The following ZCWPW2 variants were observed in gnomAD, a reference collection of about 807,000 sequenced individuals.
The protein encoded by ZCWPW2 is zinc finger CW-type and PWWP domain containing 2, also known as zinc finger CW-type PWWP domain protein 2.
ZCWPW2 carries 45 observed loss-of-function variants against 46.6 expected under a neutral mutation model. That is an observed-to-expected ratio of 0.96 (90% CI 0.76 to 1.24). The LOEUF (loss-of-function observed/expected upper bound fraction) is 1.24. Among genes scored for constraint, ZCWPW2 ranks in the 50% most tolerant of loss-of-function variants. ZCWPW2 has a pLI of 0.00. For synonymous variants in ZCWPW2, 152 were observed against 137.1 expected (o/e 1.11, Z -0.76); for missense variants, 429 against 403.9 (o/e 1.06, Z -0.53).
intron 4 of ZCWPW2, chr3:28,460,962 C>G (rs1169389247): frequency 3.9e-6 from 1 of 254,674 alleles, no homozygotes; most frequent in Non-Finnish European, 8.9e-6. Flanking sequence ...TTTTTTATTT[C>G]TTTAGATTAT....
intron 4 of ZCWPW2, among the ~76,000 whole-genome samples, chr3:28,468,248 G>A (rs1014311861): frequency 2.0e-5 from 3 of 151,778 alleles, no homozygotes; most frequent in African/African-American, 2.4e-5. Flanking sequence ...CTTGAAGACA[G>A]GCTATTTGAA....
chr3:28,483,527 G>T (rs1440800727), intron 5 of ZCWPW2, among the ~76,000 whole-genome samples: 1 of 152,030 alleles, frequency 6.6e-6, no homozygotes, highest in Non-Finnish European at 1.5e-5. Flanking sequence ...AAAATAACTT[G>T]CTAGCATTTT....
chr3:28,376,684 G>A (rs556069321), intron 1 of ZCWPW2, among the ~76,000 whole-genome samples: 1 of 152,154 alleles, frequency 6.6e-6, no homozygotes, highest in African/African-American at 2.4e-5. Context: ...CTTGGCAGAA[G>A]GTATTTGTTT....
chr3:28,381,859 G>A (rs564053365), intron 1 of ZCWPW2, among the ~76,000 whole-genome samples: 7 of 152,148 alleles, frequency 4.6e-5, no homozygotes, highest in African/African-American at 1.4e-4. Context: ...ACAACAGATT[G>A]GCTGGCTTAA....
chr3:28,472,632 T>C (rs1436595523), intron 4 of ZCWPW2, among the ~76,000 whole-genome samples: 1 of 152,114 alleles, frequency 6.6e-6, no homozygotes, highest in Non-Finnish European at 1.5e-5. Flanking sequence ...AAGAAAACTT[T>C]GGGGAAACTC....
rs1705098239 is a variant in ZCWPW2 at position 28,365,670 on chromosome 3, C to T, written c.-134+16467C>T. 2.1e-5 allele frequency among the ~76,000 whole-genome samples: 3 copies of T among 140,862 alleles called. 1 individual carries two copies. The highest frequency in any genetic ancestry group is 4.8e-5 in the Non-Finnish European group (3 of 62,944). 92.4% of individuals were successfully genotyped at this position (140,862 alleles called of 152,430 possible). A position where few individuals can be genotyped will look rare whatever the true frequency, so the allele number is the denominator to read the frequency against. ...CATATGAACTTTAAAGTAGTTTTCT[C>T]CAATTCTGTGAAGAAAGTCATTGGT... On this transcript the variant is annotated intron_variant, in intron 1 of 9. Transcript: ENST00000383768.
At chr3:28,494,669 C>T (rs1342728109) in intron 6 of ZCWPW2, among the ~76,000 whole-genome samples, 6 of 139,834 alleles carry the variant, frequency 4.3e-5, no homozygotes, top group Non-Finnish European at 7.8e-5. Context: ...GATTGTTTAT[C>T]TAGAAAACCC....
chr3:28,410,923 C>A (rs1344083782), intron 2 of ZCWPW2, among the ~76,000 whole-genome samples: 2 of 151,760 alleles, frequency 1.3e-5, no homozygotes, highest in African/African-American at 4.8e-5. Context: ...GCAAAAGAGA[C>A]AAATGTAGTA....
chr3:28,438,534 A>G (rs1007764503), intron 4 of ZCWPW2, among the ~76,000 whole-genome samples: 1 of 152,248 alleles, frequency 6.6e-6, no homozygotes, highest in Admixed American at 6.5e-5. Flanking sequence ...AACAAAAACA[A>G]TAACAAAAAC....
chr3:28,384,054 A>G (rs1247658058), intron 1 of ZCWPW2, among the ~76,000 whole-genome samples: 4 of 152,200 alleles, frequency 2.6e-5, no homozygotes, highest in Non-Finnish European at 2.9e-5. Context: ...GAGGTATATT[A>G]CTAGAGCCCT....
chr3:28,476,145 A>T (rs1303038897), intron 4 of ZCWPW2, among the ~76,000 whole-genome samples: 1 of 151,348 alleles, frequency 6.6e-6, no homozygotes, highest in Non-Finnish European at 1.5e-5. Flanking sequence ...TTCTATAAAT[A>T]TATAATATCT....
rs1414327911 is a variant in ZCWPW2 at position 28,365,941 on chromosome 3, C to G, written c.-134+16738C>G. ...ATGGGAGTTCACTCATGATTTGACT[C>G]TCTGTCTGTTATTGGTGTATAAGAA... On this transcript the variant is annotated intron_variant, in intron 1 of 9. Transcript: ENST00000383768. Among the ~76,000 whole-genome samples the G allele has an allele frequency of 3.8e-4, 53 of 139,446 alleles. 5 individuals are homozygous for G. The highest frequency in any genetic ancestry group is 6.6e-4 in the African/African-American group (26 of 39,378). The allele number at this position is 139,446 out of a possible 152,430, so 91.5% of individuals were successfully genotyped here. A position where few individuals can be genotyped will look rare whatever the true frequency, so the allele number is the denominator to read the frequency against.
chr3:28,368,916 C>G (rs1226939471), intron 1 of ZCWPW2, among the ~76,000 whole-genome samples: 1 of 152,196 alleles, frequency 6.6e-6, no homozygotes, highest in Non-Finnish European at 1.5e-5. Context: ...ATTTGATCTT[C>G]CATTACTGAT....
chr3:28,500,467 A>G (rs1700113201), intron 6 of ZCWPW2, among the ~76,000 whole-genome samples: 1 of 152,110 alleles, frequency 6.6e-6, no homozygotes, highest in Non-Finnish European at 1.5e-5. Flanking sequence ...ACCTACAGAA[A>G]TTATGTGTAT....
intron 6 of ZCWPW2, among the ~76,000 whole-genome samples, chr3:28,499,939 G>T (rs1174865544): frequency 6.6e-6 from 1 of 151,886 alleles, no homozygotes; most frequent in Non-Finnish European, 1.5e-5. Context: ...TAGTAAAATT[G>T]TCTCTTTTGG....
intron 1 of ZCWPW2, among the ~76,000 whole-genome samples, chr3:28,350,317 C>T (rs768557219): frequency 5.9e-5 from 9 of 152,118 alleles, no homozygotes; most frequent in Non-Finnish European, 1.3e-4. Context: ...TTTGAATCTT[C>T]GTTCACAATT....
At chr3:28,351,788 C>T (rs1049593540) in intron 1 of ZCWPW2, among the ~76,000 whole-genome samples, 16 of 148,574 alleles carry the variant, frequency 1.1e-4, no homozygotes, top group African/African-American at 3.6e-4. Flanking sequence ...AGATGTGGCT[C>T]TTGATTGTCA....
At chr3:28,461,193 T>A (rs945942173) in intron 4 of ZCWPW2, 4 of 158,014 alleles carry the variant, frequency 2.5e-5, no homozygotes, top group African/African-American at 9.6e-5. Flanking sequence ...AGCTTTAATA[T>A]TGATATTTGA....
At chr3:28,485,037 G>A (rs1020831247) in intron 5 of ZCWPW2, among the ~76,000 whole-genome samples, 1 of 151,554 alleles carries the variant, frequency 6.6e-6, no homozygotes, top group African/African-American at 2.4e-5. Flanking sequence ...TGAATTCAAT[G>A]CTATAAATTT....
Sources: gnomAD v4.1 joint callset for allele counts (sites outside exome capture counted in the v4.1 genomes callset) on GRCh38, gnomAD v4.1.1 for gene constraint, MANE v1.5 for transcripts, NCBI Gene and HGNC (gene_info 2026-07-23, HGNC 2026-07-21) for gene names.